Variants in KIF7 observed in about 807,000 individuals in gnomAD.
KIF7 encodes the protein kinesin-like protein KIF7.
KIF7 carries 104 observed loss-of-function variants against 135.7 expected under a neutral mutation model. The observed-to-expected ratio is 0.77, with a 90% CI of 0.65 to 0.90. The LOEUF (loss-of-function observed/expected upper bound fraction) is 0.90. Among genes scored for constraint, KIF7 ranks in the 40% least tolerant of loss-of-function variants. KIF7 has a pLI of 0.00. For synonymous variants in KIF7, 883 were observed against 809.4 expected, an observed-to-expected ratio of 1.09 and a Z score of -1.54; for missense variants, 2,005 against 1,839.1, an observed-to-expected ratio of 1.09 and a Z score of -1.65.
Position 89,628,292 on chromosome 15 carries a change from G to A in KIF7, c.*127C>T. The A allele has an allele frequency of 8.1e-7, 1 of 1,242,224 alleles. No individual in the cohort carries two copies. Among genetic ancestry groups the A allele is most frequent in the Non-Finnish European group, 1.1e-6 (1 of 906,044 alleles). 77.0% of individuals were successfully genotyped at this position (1,242,224 alleles called of 1,614,324 possible). A position where few individuals can be genotyped will look rare whatever the true frequency, so the allele number is the denominator to read the frequency against. ...ATGGCCCAAATTTGTTGATCCCAGT[G>A]AGGGTACAGATGAGGGCCTGGATTT... On this transcript the variant is annotated 3_prime_UTR_variant, in exon 19 of 19. Coordinates refer to ENST00000394412, the MANE Select transcript of KIF7 (RefSeq NM_198525.3).
Position 89,646,866 on chromosome 15 carries a change from G to C in KIF7, c.1752C>G (p.Leu584=), listed in dbSNP as rs980827717. Residue 584 remains leucine, a synonymous_variant, in exon 7 of 19, where the codon CTC becomes CTG. Coordinates refer to ENST00000394412, the MANE Select transcript of KIF7 (RefSeq NM_198525.3). The stretch of plus-strand genomic sequence containing the variant: ...GCTCAGAGCCAACTTCATCTCCAGG[G>C]AGGCAGGCAGGCGGCACCATGCCCA... The part of the protein sequence containing the change: ...HVLGMVPPAC[L]PGDEVGSEQR... 2 of 1,614,112 alleles carry C rather than the reference G, an allele frequency of 1.2e-6. No homozygotes were observed. Among genetic ancestry groups the C allele is most frequent in the Non-Finnish European group, 8.5e-7 (1 of 1,180,026 alleles).
the KIF7 span, among the ~76,000 whole-genome samples, chr15:89,661,203 TA>T: frequency 6.6e-6 from 1 of 152,222 alleles, no homozygotes; most frequent in Non-Finnish European, 1.5e-5. Context: ...AATTATGGCA[TA>T]TTTATATATA....
intron 15 of KIF7, 122 bp from the exon 16 acceptor site, chr15:89,630,615 G>A: frequency 1.2e-6 from 1 of 818,010 alleles, no homozygotes; most frequent in South Asian, 1.5e-5. Flanking sequence ...CGTCCCAAGG[G>A]CCAAGTCAGC....
upstream of KIF7, among the ~76,000 whole-genome samples, chr15:89,656,847 T>A (rs1052059390): frequency 3.3e-5 from 5 of 152,196 alleles, no homozygotes; most frequent in African/African-American, 1.2e-4. Flanking sequence ...TCTAAATCAA[T>A]TGGGGTCCTG....
At chr15:89,648,202 C>A in intron 5 of KIF7, 53 bp downstream of exon 5, 2 of 1,433,696 alleles carry the variant, frequency 1.4e-6, no homozygotes, top group South Asian at 1.4e-5. Context: ...CTTCCTTCCT[C>A]TCCACCACTC....
chr15:89,649,922 C>T lies in KIF7; in HGVS notation c.348G>A (p.Glu116=). The T allele has an allele frequency of 1.3e-6, 2 of 1,551,466 alleles. No homozygotes were observed. Among genetic ancestry groups the T allele is most frequent in the Non-Finnish European group, 1.7e-6 (2 of 1,146,980 alleles). Residue 116 remains glutamate (E), a synonymous_variant, in exon 3 of 19, where the codon GAG becomes GAA. Coordinates refer to ENST00000394412, the MANE Select transcript of KIF7 (RefSeq NM_198525.3). The part of the protein sequence containing the change: ...EASVASLLED[E]QGIVPRAMAE... ...CCATGGCCCTCGGGACAATGCCCTG[C>T]TCATCCTCAAGGAGGGAGGCTGGGG...
chr15:89,621,895 A>G (rs1251452648), intron 1 of KIF7, among the ~76,000 whole-genome samples: 1 of 151,706 alleles, frequency 6.6e-6, no homozygotes, highest in African/African-American at 2.4e-5. Context: ...CCAGTCACCA[A>G]CATTAGAAAC....
rs1596078131 is a variant in KIF7, at chr15:89,648,327, G to A, written c.1371C>T (p.Ala457=). 1 of 1,507,392 alleles carries A rather than the reference G, an allele frequency of 6.6e-7. No homozygotes were observed. The highest frequency in any genetic ancestry group is 1.4e-5 in the African/African-American group (1 of 71,252). 93.4% of individuals were successfully genotyped at this position (1,507,392 alleles called of 1,614,324 possible). The change falls in exon 5 of 19, where the codon GCC becomes GCT. Residue 457 remains alanine, a synonymous_variant. Transcript: ENST00000394412. ...TCTCGATGCCGCTATCGGGCCCGGA[G>A]GCGGAGCTCAGGGCGCTGCGCTCGC... ...VEGERSALSS[A]SGPDSGIESA...
intron 1 of KIF7, among the ~76,000 whole-genome samples, chr15:89,619,056 A>C (rs1397293798): frequency 6.6e-6 from 1 of 152,260 alleles, no homozygotes; most frequent in East Asian, 1.9e-4. Context: ...TGGAAAAAAC[A>C]GGAAACATGA....
chr15:89,628,592 G>T lies in KIF7; in HGVS notation c.3859C>A (p.Gln1287Lys). 1 of 1,613,516 alleles carries T rather than the reference G, an allele frequency of 6.2e-7. No individual in the cohort carries two copies. Among genetic ancestry groups the T allele is most frequent in the South Asian group, 1.1e-5 (1 of 91,088 alleles). The change falls in exon 19 of 19, where the codon CAG becomes AAG. Residue 1287 changes from glutamine to lysine, a missense_variant. By Grantham distance (53) the Gln-to-Lys change is moderately conservative. Transcript: ENST00000394412. ...WKRSSLCGEE[Q>K]GSPEELRQRE... ...TGCCTCAGTTCCTCGGGGGACCCCT[G>T]CTCCTCACCACACAGGCTCGAGCGT...
At chr15:89,624,557 C>T, downstream of KIF7, 2 of 1,613,700 alleles carry the variant, frequency 1.2e-6, no homozygotes, top group Non-Finnish European at 1.7e-6. Flanking sequence ...AGCCCAGCTG[C>T]CCCCACAGAC....
At chr15:89,619,993 T>C (rs1963398731) in intron 1 of KIF7, 2 of 900,192 alleles carry the variant, frequency 2.2e-6, no homozygotes, top group Non-Finnish European at 3.3e-6. Flanking sequence ...GATGGCTAGA[T>C]GGACAGTCCA....
At chr15:89,652,041 G>C (rs572968327) in intron 2 of KIF7, among the ~76,000 whole-genome samples, 2 of 152,278 alleles carry the variant, frequency 1.3e-5, no homozygotes, top group East Asian at 3.9e-4. Context: ...GAGCCACCCA[G>C]TCTATGGTAT....
exon 2 of KIF7, chr15:89,618,132 T>A: frequency 6.2e-7 from 1 of 1,613,492 alleles, no homozygotes; most frequent in Non-Finnish European, 8.5e-7. Context: ...GAGTAATCCT[T>A]GTGCATGTGG....
At chr15:89,640,052 A>G (rs1356924454) in intron 11 of KIF7, among the ~76,000 whole-genome samples, 3 of 152,102 alleles carry the variant, frequency 2.0e-5, no homozygotes, top group African/African-American at 4.8e-5. Context: ...ACAAAAAACC[A>G]AACACTGCAT....
Position 89,642,233 on chromosome 15 carries a change from C to G in KIF7, c.2364G>C (p.Arg788Ser), listed in dbSNP as rs117123311. ...GERSRLQEFR[R>S]RVAAAQSQVQ... The stretch of plus-strand genomic sequence containing the variant: ...CCTGGCTCTGGGCCGCAGCGACCCT[C>G]CTGCGGAACTCCTGGAGCCGAGACC... The change falls in exon 11 of 19, where the codon AGG becomes AGC. Residue 788 changes from arginine to serine, a missense_variant. Coordinates refer to ENST00000394412, the MANE Select transcript of KIF7 (RefSeq NM_198525.3). 769 of 1,610,628 alleles carry G rather than the reference C, an allele frequency of 4.8e-4. 18 individuals are homozygous for G. The East Asian group carries it at 0.017, about 35-fold the overall frequency.
chr15:89,635,209 A>G, intron 11 of KIF7, among the ~76,000 whole-genome samples: 1 of 152,210 alleles, frequency 6.6e-6, no homozygotes, highest in East Asian at 1.9e-4. Context: ...AAAGTAGATA[A>G]AACCACAAAG....
chr15:89,651,941 G>T (rs1027160628), intron 2 of KIF7, among the ~76,000 whole-genome samples: 3 of 152,172 alleles, frequency 2.0e-5, no homozygotes, highest in Non-Finnish European at 4.4e-5. Flanking sequence ...GACAGCGACT[G>T]TCTGTAAGGA....
chr15:89,648,719 T>G lies in KIF7; in HGVS notation c.979A>C (p.Ser327Arg). ...NAKTVMIACVSPSSSDFDETL... is the reference protein window; with the variant it reads ...NAKTVMIACVRPSSSDFDETL... ...TCGTCGAAGTCGGAGGAGGAAGGGC[T>G]GACGCAGGCGATCATCACCGTCTTG... The change falls in exon 5 of 19, where the codon AGC becomes CGC. Residue 327 changes from serine (S) to arginine (R), a missense_variant. Coordinates refer to ENST00000394412, the MANE Select transcript of KIF7 (RefSeq NM_198525.3). The G allele has an allele frequency of 6.5e-7, 1 of 1,536,248 alleles. No individual in the cohort carries two copies. Among genetic ancestry groups the G allele is most frequent in the Non-Finnish European group, 8.7e-7 (1 of 1,146,488 alleles).
Sources: allele counts gnomAD v4.1 joint callset (sites outside exome capture counted in the v4.1 genomes callset), GRCh38; gene constraint gnomAD v4.1.1; transcripts MANE v1.5; gene names NCBI Gene and HGNC (gene_info 2026-07-23, HGNC 2026-07-21).